KCND2: variants seen among roughly 807,000 people sequenced by gnomAD.
The protein encoded by KCND2 is potassium voltage-gated channel subfamily D member 2.
Under a neutral mutation model 54.4 loss-of-function variants are expected in KCND2, and 16 were observed. That is an observed-to-expected ratio of 0.29 (90% confidence interval 0.20 to 0.45). The LOEUF is 0.45. KCND2 is among the 20% of genes least tolerant of loss of function. The probability of loss-of-function intolerance (pLI) is 1.00; values close to 1 mark genes in which losing one functional copy is unlikely to be tolerated. For missense variants in KCND2, 486 were observed against 824.2 expected, an observed-to-expected ratio of 0.59 and a Z score of 5.02; for synonymous variants, 317 against 310.7, an observed-to-expected ratio of 1.02 and a Z score of -0.21.
In KCND2 at chr7:120,685,052, C is replaced by A. The variant is rs1032586578; in HGVS notation, c.1116-47851C>A. On this transcript the variant is annotated intron_variant, in intron 1 of 5. Coordinates refer to ENST00000331113, the MANE Select transcript of KCND2 (RefSeq NM_012281.3). ...CACAATAAATTTAATGCATTTGAAT[C>A]ATTACCAAACCATTATCACATTCTT... is the stretch of plus-strand genomic sequence containing the variant. Among the ~76,000 whole-genome samples, 29 of 152,176 alleles carry A rather than the reference C, an allele frequency of 1.9e-4. 1 individual carries two copies. The highest frequency in any genetic ancestry group is 3.8e-4 in the East Asian group (2 of 5,200).
At chr7:120,405,926 T>C (rs1025714832) in intron 1 of KCND2, among the ~76,000 whole-genome samples, 3 of 152,180 alleles carry the variant, frequency 2.0e-5, no homozygotes, top group South Asian at 4.1e-4. Context: ...GTTTCTGTCA[T>C]GGTATAGTAG....
At chr7:120,670,426 A>G (rs1044422824) in intron 1 of KCND2, among the ~76,000 whole-genome samples, 2 of 152,088 alleles carry the variant, frequency 1.3e-5, no homozygotes, top group African/African-American at 4.8e-5. Flanking sequence ...GCAACCTCCC[A>G]AAGATGGAGA....
chr7:120,452,850 G>A (rs1403065485), intron 1 of KCND2, among the ~76,000 whole-genome samples: 6 of 152,144 alleles, frequency 3.9e-5, no homozygotes, highest in Non-Finnish European at 8.8e-5. Context: ...GTAACTGTAG[G>A]AACTAGGTAG....
At chr7:120,420,981 A>G (rs759315807) in intron 1 of KCND2, among the ~76,000 whole-genome samples, 14 of 152,366 alleles carry the variant, frequency 9.2e-5, no homozygotes, top group Non-Finnish European at 1.5e-4. Flanking sequence ...TGTAACAGTT[A>G]CAGTAAGAAG....
chr7:120,530,904 G>A (rs2116364037), intron 1 of KCND2, among the ~76,000 whole-genome samples: 1 of 151,950 alleles, frequency 6.6e-6, no homozygotes, highest in East Asian at 1.9e-4. Context: ...ACATCGCTCA[G>A]GTTACACGAT....
At chr7:120,659,091 G>A (rs1010056365) in intron 1 of KCND2, among the ~76,000 whole-genome samples, 1 of 152,054 alleles carries the variant, frequency 6.6e-6, no homozygotes, top group Admixed American at 6.6e-5. Context: ...GAAAGTCCTG[G>A]GTGCCTAAAA....
chr7:120,557,461 A>G (rs769248656), intron 1 of KCND2, among the ~76,000 whole-genome samples: 1 of 152,116 alleles, frequency 6.6e-6, no homozygotes, highest in Non-Finnish European at 1.5e-5. Context: ...GTATAAAACA[A>G]TTCATATAGT....
chr7:120,481,314 C>A (rs552016632), intron 1 of KCND2, among the ~76,000 whole-genome samples: 1 of 151,958 alleles, frequency 6.6e-6, no homozygotes, highest in African/African-American at 2.4e-5. Context: ...TACTTTTAAC[C>A]GCATAAAATG....
intron 1 of KCND2, among the ~76,000 whole-genome samples, chr7:120,637,189 A>G (rs990653166): frequency 9.2e-5 from 14 of 152,176 alleles, no homozygotes; most frequent in African/African-American, 3.4e-4. Flanking sequence ...GAATTTTCAA[A>G]TTGAGTCTTC....
In KCND2 at chr7:120,748,168, G is replaced by T; in HGVS notation, c.*310G>T. ...TTTAATAAAATAAATAACATAAATC[G>T]TTGAACATAATGTTCCAGTTGAATG... On this transcript the variant is annotated 3_prime_UTR_variant, in exon 6 of 6. Transcript: ENST00000331113. 5.2e-6 allele frequency: 1 copy of T among 192,110 alleles called. No individual in the cohort carries two copies. The highest frequency in any genetic ancestry group is 1.1e-5 in the Non-Finnish European group (1 of 93,290). 11.9% of individuals were successfully genotyped at this position (192,110 alleles called of 1,614,324 possible).
chr7:120,340,577 G>A (rs1366284314), intron 1 of KCND2, among the ~76,000 whole-genome samples: 1 of 152,182 alleles, frequency 6.6e-6, no homozygotes, highest in Admixed American at 6.5e-5. Context: ...AATTAGTGTG[G>A]CGTCATGGAA....
rs192035248 is a variant in KCND2, at chr7:120,651,315, G to A, written c.1116-81588G>A. On this transcript the variant is annotated intron_variant, in intron 1 of 5. Coordinates refer to ENST00000331113, the MANE Select transcript of KCND2 (RefSeq NM_012281.3). ...TTTACCTACTCAAGCCTCAGCAATG[G>A]TGGGTGCCCCTCCCCAAGCCTGGCT... Among the ~76,000 whole-genome samples the A allele has an allele frequency of 1.7e-3, 173 of 103,786 alleles. 17 individuals are homozygous for A. The highest frequency in any genetic ancestry group is 2.8e-3 in the Non-Finnish European group (138 of 49,878). 68.1% of individuals were successfully genotyped at this position (103,786 alleles called of 152,430 possible).
chr7:120,555,406 A>T (rs1792151921), intron 1 of KCND2, among the ~76,000 whole-genome samples: 1 of 152,136 alleles, frequency 6.6e-6, no homozygotes. Context: ...CTCCCATCTC[A>T]GCCTCCAGAG....
intron 2 of KCND2, among the ~76,000 whole-genome samples, chr7:120,737,774 C>T (rs896202126): frequency 2.0e-5 from 3 of 152,000 alleles, no homozygotes; most frequent in Non-Finnish European, 4.4e-5. Flanking sequence ...TTCCAGAATG[C>T]ATGTTACAGG....
chr7:120,497,802 A>G lies in KCND2; in HGVS notation c.1115+222055A>G, dbSNP rs540201886. Reference sequence around the variant, plus strand: ...GCATTTTTTGACCTAAATTAATCACATGGTCACACAACACAAAACAGCCTG... The same window carrying G: ...GCATTTTTTGACCTAAATTAATCACGTGGTCACACAACACAAAACAGCCTG... On this transcript the variant is annotated intron_variant, in intron 1 of 5. Coordinates refer to ENST00000331113, the MANE Select transcript of KCND2 (RefSeq NM_012281.3). Among the ~76,000 whole-genome samples, 5 of 152,280 alleles carry G rather than the reference A, an allele frequency of 3.3e-5. No homozygotes were observed. In the East Asian group the frequency reaches 5.8e-4, roughly 18 times the overall value.
At chr7:120,283,952 G>A (rs748524412) in intron 1 of KCND2, among the ~76,000 whole-genome samples, 1 of 152,110 alleles carries the variant, frequency 6.6e-6, no homozygotes, top group Non-Finnish European at 1.5e-5. Flanking sequence ...TATAGCAGAT[G>A]TGTGATGAAA....
intron 1 of KCND2, among the ~76,000 whole-genome samples, chr7:120,530,535 T>C (rs1791831201): frequency 1.3e-5 from 2 of 152,190 alleles, no homozygotes; most frequent in African/African-American, 2.4e-5. Context: ...CTCTGCTCTT[T>C]CATAATTCTC....
intron 1 of KCND2, among the ~76,000 whole-genome samples, chr7:120,470,305 A>G (rs934086822): frequency 1.3e-5 from 2 of 152,252 alleles, no homozygotes; most frequent in African/African-American, 4.8e-5. Context: ...TGAGTTGTAC[A>G]CCAATGAATG....
chr7:120,529,415 G>A (rs1227652075), intron 1 of KCND2, among the ~76,000 whole-genome samples: 1 of 152,104 alleles, frequency 6.6e-6, no homozygotes, highest in African/African-American at 2.4e-5. Context: ...CATTCCAGCT[G>A]CGTTTCTTCC....
Sources: gnomAD v4.1 joint callset for allele counts (sites outside exome capture counted in the v4.1 genomes callset) on GRCh38, gnomAD v4.1.1 for gene constraint, MANE v1.5 for transcripts, NCBI Gene and HGNC (gene_info 2026-07-23, HGNC 2026-07-21) for gene names.